CDH23: variants seen among roughly 807,000 people sequenced by gnomAD.
CDH23 encodes cadherin related 23.
Under a neutral mutation model 317.1 loss-of-function variants are expected in CDH23, and 189 were observed. The observed-to-expected ratio is 0.60, with a 90% CI of 0.53 to 0.67. CDH23 has a LOEUF of 0.67. Among genes scored for constraint, CDH23 ranks in the 30% least tolerant of loss-of-function variants. The pLI, the probability that CDH23 is intolerant of heterozygous loss-of-function variation, is 0.00. For synonymous variants in CDH23, 1,839 were observed against 1,876.8 expected (o/e 0.98, Z 0.52); for missense variants, 4,401 against 4,592.4 (o/e 0.96, Z 1.20).
intron 3 of CDH23, among the ~76,000 whole-genome samples, chr10:71,507,080 C>G (rs111377047): frequency 0.016 from 2,509 of 152,258 alleles, 58 homozygotes; most frequent in African/African-American, 0.053. Flanking sequence ...TTCCCAGAAT[C>G]CTCTTGGCCA....
In CDH23 at chr10:71,790,275, C is replaced by T. The variant is rs556886508; in HGVS notation, c.5924-13C>T. 6.2e-7 allele frequency: 1 copy of T among 1,613,484 alleles called. No individual in the cohort carries two copies. Among genetic ancestry groups the T allele is most frequent in the South Asian group, 1.1e-5 (1 of 91,018 alleles). On this transcript the variant is annotated splice_polypyrimidine_tract_variant and intron_variant, in intron 45 of 69. Coordinates refer to ENST00000224721, the MANE Select transcript of CDH23 (RefSeq NM_022124.6). ...GGGTTGGTCTTGTGGTGACCCCTCT[C>T]CTTCTGGCCCAGGCACCCCTCTCAC...
At chr10:71,795,698 C>G in intron 48 of CDH23, 1 of 176,616 alleles carries the variant, frequency 5.7e-6, no homozygotes, top group Non-Finnish European at 1.1e-5. Flanking sequence ...CTCCCTGTTT[C>G]CACCCCTCCC....
At chr10:71,801,332 T>C (rs1341390369) in intron 53 of CDH23, among the ~76,000 whole-genome samples, 1 of 151,954 alleles carries the variant, frequency 6.6e-6, no homozygotes, top group Non-Finnish European at 1.5e-5. Context: ...TTTTGTATTT[T>C]CAGTAGAGAC....
chr10:71,537,534 G>A (rs1855767215), intron 6 of CDH23, among the ~76,000 whole-genome samples: 1 of 152,250 alleles, frequency 6.6e-6, no homozygotes. Flanking sequence ...CTGCCAAGTG[G>A]CCTTAAAAAC....
Position 71,566,823 on chromosome 10 carries a change from T to C in CDH23, c.511T>C (p.Phe171Leu). Residue 171 changes from phenylalanine to leucine, a missense_variant, in exon 7 of 70, where the codon TTC (phenylalanine) becomes CTC (leucine). Phe to Leu is a conservative substitution (Grantham distance 22). Around this residue, in one of 3 missense-constraint regions of CDH23, gnomAD observed 3,068 missense variants for 3,203.3 expected, o/e 0.96. Coordinates refer to ENST00000224721, the MANE Select transcript of CDH23 (RefSeq NM_022124.6). ...LGAGGSVLYS[F>L]QPPSQFFAID... Reference sequence around the variant, plus strand: ...GGCAGGGGGCAGCGTCCTCTACTCCTTCCAGCCCCCCTCCCAATTCTTCGC... The same window carrying C: ...GGCAGGGGGCAGCGTCCTCTACTCCCTCCAGCCCCCCTCCCAATTCTTCGC... 7.4e-6 allele frequency: 12 copies of C among 1,613,996 alleles called. No individual in the cohort carries two copies. Among genetic ancestry groups the C allele is most frequent in the Non-Finnish European group, 8.5e-6 (10 of 1,179,886 alleles).
rs1564734231 is a variant in CDH23, at chr10:71,689,178, A to AGCCAGGGGTGGTGGAGTCAGGGATGGTG, written c.2060-1289_2060-1288insCCAGGGGTGGTGGAGTCAGGGATGGTGG. Among the ~76,000 whole-genome samples the AGCCAGGGGTGGTGGAGTCAGGGATGGTG allele has an allele frequency of 5.2e-4, 16 of 30,576 alleles. 6 individuals carry two copies. Among genetic ancestry groups the AGCCAGGGGTGGTGGAGTCAGGGATGGTG allele is most frequent in the South Asian group, 2.9e-3 (2 of 696 alleles). The allele number at this position is 30,576 out of a possible 152,430, so 20.1% of individuals were successfully genotyped here. ...CAGGGATGGTGGAGTCAGGGGTGGT[A>AGCCAGGGGTGGTGGAGTCAGGGATGGTG]GAGTCAGGGGTGGTGGAGCCAGGGT... On this transcript the variant is annotated intron_variant, in intron 19 of 69. Coordinates refer to ENST00000224721, the MANE Select transcript of CDH23 (RefSeq NM_022124.6).
At chr10:71,555,478 T>C (rs1256629620) in intron 6 of CDH23, among the ~76,000 whole-genome samples, 1 of 152,216 alleles carries the variant, frequency 6.6e-6, no homozygotes, top group African/African-American at 2.4e-5. Flanking sequence ...CTTGATCCTT[T>C]GTATGTGGGC....
intron 11 of CDH23, among the ~76,000 whole-genome samples, chr10:71,623,917 G>A (rs753174781): frequency 2.0e-5 from 3 of 152,098 alleles, no homozygotes; most frequent in Non-Finnish European, 4.4e-5. Context: ...CAGAGAGAGC[G>A]CCCAAGCCAG....
chr10:71,811,081 CAAAAA>C (rs35466313), intron 62 of CDH23, among the ~76,000 whole-genome samples: 67 of 67,050 alleles, frequency 1.0e-3, no homozygotes, highest in Non-Finnish European at 1.5e-3. Context: ...GACTCCATCT[CAAAAA>C]AAAAAAAAAA....
intron 9 of CDH23, among the ~76,000 whole-genome samples, chr10:71,603,782 G>T (rs950465873): frequency 6.6e-6 from 1 of 152,238 alleles, no homozygotes; most frequent in South Asian, 2.1e-4. Context: ...TCCCAGCATG[G>T]TCACTTAGTA....
intron 6 of CDH23, among the ~76,000 whole-genome samples, chr10:71,528,905 A>T (rs1855197667): frequency 6.6e-6 from 1 of 152,130 alleles, no homozygotes; most frequent in African/African-American, 2.4e-5. Context: ...ACTGCACTAA[A>T]ACCAGCAGAA....
intron 38 of CDH23, among the ~76,000 whole-genome samples, chr10:71,754,034 C>T (rs748291622): frequency 1.4e-4 from 21 of 152,200 alleles, no homozygotes; most frequent in Non-Finnish European, 2.1e-4. Flanking sequence ...AGCAAACTGC[C>T]GTCCTCAAGG....
At chr10:71,626,953 G>A (rs1861762678) in intron 11 of CDH23, among the ~76,000 whole-genome samples, 1 of 152,158 alleles carries the variant, frequency 6.6e-6, no homozygotes, top group Admixed American at 6.5e-5. Flanking sequence ...GCAGAGAAGT[G>A]GGGGTCTTCA....
At chr10:71,559,671 C>G (rs929162056) in intron 6 of CDH23, among the ~76,000 whole-genome samples, 2 of 152,142 alleles carry the variant, frequency 1.3e-5, no homozygotes, top group Admixed American at 6.6e-5. Flanking sequence ...GCTGGGGAGA[C>G]CAGCTTAGGC....
intron 3 of CDH23, among the ~76,000 whole-genome samples, chr10:71,472,128 G>A (rs567993536): frequency 3.9e-4 from 60 of 152,250 alleles, no homozygotes; most frequent in Non-Finnish European, 8.7e-4. Flanking sequence ...TCCGAGTGGC[G>A]GGGAGCTGAC....
chr10:71,739,033 G>A, intron 35 of CDH23, among the ~76,000 whole-genome samples: 1 of 152,238 alleles, frequency 6.6e-6, no homozygotes, highest in East Asian at 1.9e-4. Flanking sequence ...ACACCCCAGA[G>A]TGCAGAGGGA....
chr10:71,793,898 C>T (rs180865173), intron 48 of CDH23, among the ~76,000 whole-genome samples: 119 of 152,304 alleles, frequency 7.8e-4, no homozygotes, highest in African/African-American at 2.8e-3. Context: ...TGTATGAGAG[C>T]ACCTATCTCA....
chr10:71,654,056 C>G (rs1160718062), intron 14 of CDH23, among the ~76,000 whole-genome samples: 14 of 152,170 alleles, frequency 9.2e-5, no homozygotes, highest in Admixed American at 9.2e-4. Flanking sequence ...GAAGCCAACA[C>G]ACTGAGTCTA....
At chr10:71,605,661 A>T (rs1341696046) in intron 9 of CDH23, among the ~76,000 whole-genome samples, 2 of 152,240 alleles carry the variant, frequency 1.3e-5, no homozygotes, top group Non-Finnish European at 2.9e-5. Context: ...GTCCTTTTTT[A>T]AAACACATCA....
Sources: gnomAD v4.1 joint callset for allele counts (sites outside exome capture counted in the v4.1 genomes callset) on GRCh38, gnomAD v4.1.1 for gene constraint, gnomAD v4.1.1 regional missense constraint, MANE v1.5 for transcripts, NCBI Gene and HGNC (gene_info 2026-07-23, HGNC 2026-07-21) for gene names.